The following INTS10 variants were observed in gnomAD, a reference collection of about 807,000 sequenced individuals.
INTS10 encodes chromosome 8 open reading frame 35.
Under a neutral mutation model 94.4 loss-of-function variants are expected in INTS10, and 44 were observed. That is an observed-to-expected ratio of 0.47 (90% CI 0.37 to 0.60). The LOEUF (loss-of-function observed/expected upper bound fraction) is 0.60, where lower values mean the gene tolerates loss of function less well. Ranked by LOEUF, INTS10 falls within the 20% of genes least tolerant of loss-of-function variation. INTS10 has a pLI of 0.00. For synonymous variants in INTS10, 341 were observed against 320.7 expected, an observed-to-expected ratio of 1.06 and a Z score of -0.68; for missense variants, 797 against 868.7, an observed-to-expected ratio of 0.92 and a Z score of 1.04.
rs535543217 is a variant in INTS10, at chr8:19,820,532, C to T, written c.441+14C>T. The T allele has an allele frequency of 3.1e-6, 5 of 1,598,032 alleles. No homozygotes were observed. In the African/African-American group the frequency reaches 6.7e-5, roughly 21 times the overall value. ...GTGCAGCATGGGGTGAGATTTGATT[C>T]TTCCCCTTCTTTTAATATAAAATAC... On this transcript the variant is annotated intron_variant, in intron 4 of 16. Coordinates refer to ENST00000397977, the MANE Select transcript of INTS10 (RefSeq NM_018142.4).
chr8:19,820,567 T>C, intron 4 of INTS10, 49 bp downstream of exon 4: 1 of 1,523,782 alleles, frequency 6.6e-7, no homozygotes, highest in South Asian at 1.2e-5. Context: ...CAATGGGTCA[T>C]CAACAGATTC....
Position 19,826,456 on chromosome 8 carries a change from T to C in INTS10, c.1037T>C (p.Val346Ala). Residue 346 changes from valine to alanine, a missense_variant, in exon 9 of 17, where the codon GTT (valine) becomes GCT (alanine). By Grantham distance (64) the Val-to-Ala change is moderately conservative. This residue lies in a region of INTS10 where 734 missense variants were observed against 787.8 expected (regional missense o/e 0.93). Coordinates refer to ENST00000397977, the MANE Select transcript of INTS10 (RefSeq NM_018142.4). Reference sequence around the variant, plus strand: ...AATGCCCCGAGCCAAGTTCCACTGGTTCTTCTTGAAGATGTATCGAATGTG... The same window carrying C: ...AATGCCCCGAGCCAAGTTCCACTGGCTCTTCTTGAAGATGTATCGAATGTG... ...GPNAPSQVPL[V>A]LLEDVSNVYG... The C allele has an allele frequency of 8.7e-6, 14 of 1,612,828 alleles. No individual in the cohort carries two copies. Among genetic ancestry groups the C allele is most frequent in the Non-Finnish European group, 1.2e-5 (14 of 1,179,622 alleles).
chr8:19,851,355 G>T lies in INTS10; in HGVS notation c.1977-294G>T, dbSNP rs560978355. On this transcript the variant is annotated intron_variant, in intron 16 of 16. Coordinates refer to ENST00000397977, the MANE Select transcript of INTS10 (RefSeq NM_018142.4). This position sits in a 1 kb window ranked among gnomAD's most constrained non-coding sequence, Gnocchi z 5.0. The stretch of plus-strand genomic sequence containing the variant: ...TTGTGTACCAGTCAGCAGTAGGGAT[G>T]CATAACACCAGAGCTTCATTGATTC... Among the ~76,000 whole-genome samples the T allele has an allele frequency of 2.6e-5, 4 of 152,196 alleles. No individual in the cohort carries two copies. Among genetic ancestry groups the T allele is most frequent in the Non-Finnish European group, 5.9e-5 (4 of 68,034 alleles).
Position 19,832,190 on chromosome 8 carries a change from G to C in INTS10, c.1377+80G>C, listed in dbSNP as rs187113692. ...GCAAACCAGCTTTCCTATGCAGAAT[G>C]TGTCATGTTCCCTCTTGGGCTAGTC... On this transcript the variant is annotated intron_variant, in intron 11 of 16. Transcript: ENST00000397977. The C allele has an allele frequency of 8.3e-5, 67 of 807,322 alleles. 1 individual carries two copies. The Middle Eastern group carries it at 2.0e-3, about 24-fold the overall frequency. The allele number at this position is 807,322 out of a possible 1,614,324, so 50.0% of individuals were successfully genotyped here. A position where few individuals can be genotyped will look rare whatever the true frequency, so the allele number is the denominator to read the frequency against.
At chr8:19,831,923 C>T (rs2067258339) in intron 10 of INTS10, 105 bp from the exon 11 acceptor site, 2 of 718,012 alleles carry the variant, frequency 2.8e-6, no homozygotes, top group Non-Finnish European at 5.1e-6. Context: ...AGTTACTATA[C>T]ATTTTTGGTA....
intron 6 of INTS10, 47 bp from the exon 7 acceptor site, chr8:19,823,826 A>G: frequency 2.1e-6 from 3 of 1,461,050 alleles, no homozygotes; most frequent in Non-Finnish European, 2.8e-6. Context: ...CCATGTCAAC[A>G]GTAAGTCATA....
chr8:19,844,585 T>C (rs895028479), intron 15 of INTS10, among the ~76,000 whole-genome samples: 3 of 152,188 alleles, frequency 2.0e-5, no homozygotes, highest in Non-Finnish European at 2.9e-5. Flanking sequence ...TCTTCTTCCA[T>C]CTGTCAAAAG....
At chr8:19,826,400 G>C (rs2128764790) in intron 8 of INTS10, 26 bp from the exon 9 acceptor site, 1 of 1,600,020 alleles carries the variant, frequency 6.2e-7, no homozygotes, top group East Asian at 2.3e-5. Flanking sequence ...GCACTGGTAA[G>C]TGTTGGTGTT....
At chr8:19,835,993 CAG>C (rs759068656) in intron 12 of INTS10, among the ~76,000 whole-genome samples, 3 of 151,952 alleles carry the variant, frequency 2.0e-5, no homozygotes, top group African/African-American at 4.8e-5. Context: ...TGGGGCCTGT[CAG>C]GGGGTCGGGG....
Position 19,849,110 on chromosome 8 carries a change from C to G in INTS10, c.1977-2539C>G, listed in dbSNP as rs955166250. 2.3e-6 allele frequency: 2 copies of G among 854,126 alleles called. No homozygotes were observed. Among genetic ancestry groups the G allele is most frequent in the Non-Finnish European group, 3.4e-6 (2 of 591,954 alleles). The allele number at this position is 854,126 out of a possible 1,614,324, so 52.9% of individuals were successfully genotyped here. A position where few individuals can be genotyped will look rare whatever the true frequency, so the allele number is the denominator to read the frequency against. ...TCTCTGGAGTGTTGTTTTTGCAGTG[C>G]AGGGTGAGTCGGTGTGGGTGTTTGA... On this transcript the variant is annotated intron_variant, in intron 16 of 16. Transcript: ENST00000397977. This position sits in a 1 kb window ranked among gnomAD's most constrained non-coding sequence, Gnocchi z 4.6.
Position 19,817,634 on chromosome 8 carries a change from C to G in INTS10, c.97C>G (p.Arg33Gly). Residue 33 changes from arginine to glycine, a missense_variant, in exon 1 of 17, where the codon CGC becomes GGC. Coordinates refer to ENST00000397977, the MANE Select transcript of INTS10 (RefSeq NM_018142.4). ...WAAKAWLITA[R>G]SLYPADFNIQ... ...AGCCAAGGCGTGGCTGATCACGGCCCGCAGCCTCTACCCGGCAGACTTTAA... is the reference window on the plus strand; with the variant it reads ...AGCCAAGGCGTGGCTGATCACGGCCGGCAGCCTCTACCCGGCAGACTTTAA... 3 of 1,607,410 alleles carry G rather than the reference C, an allele frequency of 1.9e-6. No individual in the cohort carries two copies. The highest frequency in any genetic ancestry group is 2.5e-6 in the Non-Finnish European group (3 of 1,177,694).
At chr8:19,828,664 C>T (rs984835333) in intron 9 of INTS10, among the ~76,000 whole-genome samples, 7 of 151,906 alleles carry the variant, frequency 4.6e-5, no homozygotes, top group African/African-American at 1.7e-4. Context: ...TATTAGGTTG[C>T]CGTTACTTGG....
intron 15 of INTS10, 175 bp from the exon 16 acceptor site, chr8:19,845,529 G>T: frequency 1.7e-6 from 1 of 602,940 alleles, no homozygotes; most frequent in South Asian, 2.0e-5. Flanking sequence ...AGTTAGTGGG[G>T]TAGCAATGGG....
chr8:19,833,373 C>A (rs766998472), intron 12 of INTS10, 52 bp downstream of exon 12: 2 of 1,366,022 alleles, frequency 1.5e-6, no homozygotes, highest in African/African-American at 1.5e-5. Context: ...GCCACCTGGC[C>A]TTTCTCCTTT....
At chr8:19,832,781 G>A (rs1022311728) in intron 11 of INTS10, among the ~76,000 whole-genome samples, 4 of 152,190 alleles carry the variant, frequency 2.6e-5, no homozygotes, top group African/African-American at 9.7e-5. Flanking sequence ...GATAATTCAC[G>A]AATGAGGTGG....
rs747291873 is a variant in INTS10, at chr8:19,844,092, A to T, written c.1736A>T (p.Asp579Val). The T allele has an allele frequency of 6.2e-7, 1 of 1,602,462 alleles. No individual in the cohort carries two copies. ...LACFKLRAFTDNRDDMALGHV... is the reference protein window; with the variant it reads ...LACFKLRAFTVNRDDMALGHV... ...GTCTTGCAGCTTAGAGCTTTCACAG[A>T]CAACAGAGACGACATGGCATTGGGG... Residue 579 changes from aspartate (D) to valine (V), a missense_variant, in exon 15 of 17, where the codon GAC becomes GTC. This residue lies in a region of INTS10 where 734 missense variants were observed against 787.8 expected (regional missense o/e 0.93). Transcript: ENST00000397977.
intron 13 of INTS10, among the ~76,000 whole-genome samples, chr8:19,838,239 TC>T (rs1327850514): frequency 6.6e-6 from 1 of 151,942 alleles, no homozygotes; most frequent in East Asian, 1.9e-4. Context: ...ACCTGTAGTC[TC>T]AGCTACTCAG....
intron 16 of INTS10, among the ~76,000 whole-genome samples, chr8:19,847,527 C>T (rs1166905928): frequency 6.6e-6 from 1 of 152,212 alleles, no homozygotes; most frequent in Non-Finnish European, 1.5e-5. Context: ...TTCCCATCAG[C>T]AGTCACTATA....
chr8:19,828,632 C>T (rs903422122), intron 9 of INTS10, among the ~76,000 whole-genome samples: 2 of 152,036 alleles, frequency 1.3e-5, no homozygotes, highest in Admixed American at 6.6e-5. Context: ...CTAGCAGACG[C>T]GCCATGTGTG....
Sources: allele counts gnomAD v4.1 joint callset (sites outside exome capture counted in the v4.1 genomes callset), GRCh38; gene constraint gnomAD v4.1.1; regional missense constraint gnomAD v4.1.1; non-coding constraint Gnocchi (gnomAD v3.1); transcripts MANE v1.5; gene names NCBI Gene and HGNC (gene_info 2026-07-23, HGNC 2026-07-21).